The following TGFBR3 variants were observed in gnomAD, a reference collection of about 807,000 sequenced individuals.
The protein encoded by TGFBR3 is transforming growth factor beta receptor type 3.
Under a neutral mutation model 87.9 loss-of-function variants are expected in TGFBR3, and 46 were observed. That is an observed-to-expected ratio of 0.52 (90% CI 0.41 to 0.67). The LOEUF is 0.67. Among genes scored for constraint, TGFBR3 ranks in the 30% least tolerant of loss-of-function variants. TGFBR3 has a pLI of 0.00. For missense variants in TGFBR3, 866 were observed against 1,041.9 expected, an observed-to-expected ratio of 0.83 and a Z score of 2.32; for synonymous variants, 381 against 391.6, an observed-to-expected ratio of 0.97 and a Z score of 0.32.
chr1:91,778,171 A>C (rs1674635293), intron 3 of TGFBR3, among the ~76,000 whole-genome samples: 1 of 152,066 alleles, frequency 6.6e-6, no homozygotes, highest in Non-Finnish European at 1.5e-5. Context: ...AAAAAAAAAA[A>C]AAAACACACA....
chr1:91,882,635 C>T (rs1679138724), intron 1 of TGFBR3, among the ~76,000 whole-genome samples: 1 of 151,984 alleles, frequency 6.6e-6, no homozygotes, highest in African/African-American at 2.4e-5. Flanking sequence ...GTTACAGCTG[C>T]TGGGGAGGCT....
chr1:91,710,340 G>A (rs1671936322), intron 13 of TGFBR3, among the ~76,000 whole-genome samples: 1 of 152,162 alleles, frequency 6.6e-6, no homozygotes, highest in Admixed American at 6.5e-5. Flanking sequence ...TTTCTGTGGA[G>A]AGGCATGATG....
intron 1 of TGFBR3, among the ~76,000 whole-genome samples, chr1:91,904,318 T>A (rs1679797648): frequency 6.8e-6 from 1 of 147,658 alleles, no homozygotes; most frequent in Non-Finnish European, 1.5e-5. Flanking sequence ...TTTAGAAATA[T>A]CAACATGAGG....
chr1:91,764,984 G>A (rs540778546), intron 3 of TGFBR3, among the ~76,000 whole-genome samples: 1 of 152,224 alleles, frequency 6.6e-6, no homozygotes, highest in African/African-American at 2.4e-5. Flanking sequence ...TGCTGCCCAG[G>A]ATGGCTTTGA....
At chr1:91,871,331 G>T (rs563483842) in intron 1 of TGFBR3, among the ~76,000 whole-genome samples, 1 of 152,276 alleles carries the variant, frequency 6.6e-6, no homozygotes, top group East Asian at 1.9e-4. Flanking sequence ...AGGGTGGCAG[G>T]CCTTGATCAG....
chr1:91,690,986 CT>C (rs898121810), intron 16 of TGFBR3, among the ~76,000 whole-genome samples: 1 of 151,468 alleles, frequency 6.6e-6, no homozygotes, highest in Non-Finnish European at 1.5e-5. Flanking sequence ...AAGAATAGAA[CT>C]TTTTTTAAAA....
chr1:91,795,978 A>T (rs770028807), intron 3 of TGFBR3, among the ~76,000 whole-genome samples: 5 of 151,950 alleles, frequency 3.3e-5, no homozygotes, highest in Non-Finnish European at 7.4e-5. Flanking sequence ...TCTTCCTACC[A>T]CCCCAAAAGG....
At position 91,712,291 on chromosome 1, in the gene TGFBR3, C is replaced by T. The variant is rs1405611654; in HGVS notation, c.2118G>A (p.Glu706=). The T allele has an allele frequency of 6.2e-6, 10 of 1,614,224 alleles. No individual in the cohort carries two copies. The East Asian group carries it at 6.7e-5, about 11-fold the overall frequency. ...TCTCCATCTTCGTACACAGCGTCAG[C>T]TCACACTGTAGAAAGAGCAGTGAGG... The part of the protein sequence containing the change: ...FNTSLLFLQC[E]LTLCTKMEKH... The change falls in exon 13 of 17, where the codon GAG becomes GAA. Residue 706 remains glutamate, a synonymous_variant. Coordinates refer to ENST00000212355, the MANE Select transcript of TGFBR3 (RefSeq NM_003243.5).
intron 1 of TGFBR3, among the ~76,000 whole-genome samples, chr1:91,901,241 C>T (rs1266608516): frequency 6.6e-5 from 10 of 152,062 alleles, no homozygotes; most frequent in African/African-American, 1.9e-4. Flanking sequence ...GGGTCTTATC[C>T]TCTGAAAAAT....
intron 7 of TGFBR3, among the ~76,000 whole-genome samples, chr1:91,724,740 G>A (rs1013547447): frequency 1.3e-5 from 2 of 152,038 alleles, no homozygotes; most frequent in African/African-American, 2.4e-5. Context: ...GTGGAGCTAC[G>A]CCAAATGCAG....
intron 1 of TGFBR3, among the ~76,000 whole-genome samples, chr1:91,863,383 T>A (rs917124489): frequency 7.9e-5 from 12 of 152,204 alleles, no homozygotes; most frequent in African/African-American, 2.9e-4. Context: ...CAAATGGTAA[T>A]GTTAGGCAGC....
At chr1:91,718,668 T>G (rs1413351596) in intron 10 of TGFBR3, among the ~76,000 whole-genome samples, 1 of 152,208 alleles carries the variant, frequency 6.6e-6, no homozygotes, top group Non-Finnish European at 1.5e-5. Flanking sequence ...TTTGACCAAC[T>G]GAGAAGAAAG....
At chr1:91,835,028 A>C (rs1469579686) in intron 2 of TGFBR3, among the ~76,000 whole-genome samples, 2 of 152,174 alleles carry the variant, frequency 1.3e-5, no homozygotes, top group African/African-American at 4.8e-5. Context: ...AGGAAAGGAC[A>C]AGTATAGCAA....
intron 1 of TGFBR3, among the ~76,000 whole-genome samples, chr1:91,867,995 T>C (rs1178836581): frequency 6.6e-6 from 1 of 152,238 alleles, no homozygotes; most frequent in Non-Finnish European, 1.5e-5. Context: ...GTCAGCTCAC[T>C]GCAACCTCTG....
At chr1:91,706,779 G>C (rs896037120) in intron 14 of TGFBR3, among the ~76,000 whole-genome samples, 3 of 152,068 alleles carry the variant, frequency 2.0e-5, no homozygotes, top group Non-Finnish European at 2.9e-5. Flanking sequence ...GTCTGAATTG[G>C]GACTCCTTTC....
At chr1:91,904,629 A>G (rs929316227) in intron 1 of TGFBR3, among the ~76,000 whole-genome samples, 1 of 150,278 alleles carries the variant, frequency 6.7e-6, no homozygotes, top group Non-Finnish European at 1.5e-5. Context: ...CAGTGGTGCA[A>G]TCTCGGCTCA....
intron 4 of TGFBR3, among the ~76,000 whole-genome samples, chr1:91,743,636 G>A (rs778373233): frequency 3.2e-4 from 49 of 152,282 alleles, no homozygotes; most frequent in Middle Eastern, 3.4e-3. Flanking sequence ...AGTGTGCATT[G>A]TCCATGGGTA....
At chr1:91,685,906 C>T (rs1671076682) in intron 16 of TGFBR3, among the ~76,000 whole-genome samples, 2 of 152,196 alleles carry the variant, frequency 1.3e-5, no homozygotes, top group South Asian at 2.1e-4. Context: ...TTGGTCCATA[C>T]CCAGCTGGAT....
chr1:91,762,058 T>C (rs1373531713), intron 3 of TGFBR3, among the ~76,000 whole-genome samples: 1 of 152,216 alleles, frequency 6.6e-6, no homozygotes, highest in African/African-American at 2.4e-5. Context: ...AACAGCTTTG[T>C]CTATGGGCTG....
Sources: gnomAD v4.1 joint callset for allele counts (sites outside exome capture counted in the v4.1 genomes callset) on GRCh38, gnomAD v4.1.1 for gene constraint, MANE v1.5 for transcripts, NCBI Gene and HGNC (gene_info 2026-07-23, HGNC 2026-07-21) for gene names.